Variants in PHACTR1 observed in about 807,000 individuals in gnomAD.
PHACTR1 encodes RPEL repeat containing 1.
In PHACTR1, 16 loss-of-function variants were observed where a neutral mutation model predicts 69.2. That is an observed-to-expected ratio of 0.23 (90% confidence interval 0.16 to 0.35). PHACTR1 has a LOEUF of 0.35. PHACTR1 is among the 10% of genes least tolerant of loss of function. The pLI is 1.00. For missense variants in PHACTR1, 510 were observed against 734.7 expected (o/e 0.69, Z 3.54); for synonymous variants, 312 against 284.5 (o/e 1.10, Z -0.97).
intron 4 of PHACTR1, among the ~76,000 whole-genome samples, chr6:12,956,488 G>T (rs1447857049): frequency 5.3e-5 from 8 of 152,170 alleles, no homozygotes; most frequent in Non-Finnish European, 1.2e-4. Flanking sequence ...CCTAGGACAG[G>T]CGTGGCTTCA....
At chr6:13,016,721 A>G (rs1800231380) in intron 4 of PHACTR1, among the ~76,000 whole-genome samples, 1 of 152,056 alleles carries the variant, frequency 6.6e-6, no homozygotes, top group Admixed American at 6.6e-5. Flanking sequence ...TTAAGAAACC[A>G]TAGAACACAA....
intron 5 of PHACTR1, among the ~76,000 whole-genome samples, chr6:13,067,978 G>A (rs1808915492): frequency 6.6e-6 from 1 of 152,112 alleles, no homozygotes; most frequent in South Asian, 2.1e-4. Flanking sequence ...CAAGTTTTTT[G>A]TGTTTTCTCT....
chr6:13,094,381 G>A (rs920600058), intron 5 of PHACTR1, among the ~76,000 whole-genome samples: 4 of 149,616 alleles, frequency 2.7e-5, no homozygotes, highest in South Asian at 2.2e-4. Flanking sequence ...TGCAACCTCC[G>A]CCTCCTGGGT....
At chr6:12,750,522 AG>A (rs1026252515) in intron 4 of PHACTR1, among the ~76,000 whole-genome samples, 7 of 138,792 alleles carry the variant, frequency 5.0e-5, no homozygotes, top group African/African-American at 1.8e-4. Flanking sequence ...GAGGGAAGGA[AG>A]GAAGGAAAGA....
chr6:13,064,610 A>ATATATATC lies in PHACTR1; in HGVS notation c.415+11084_415+11085insATATCTAT, dbSNP rs1808313715. Among the ~76,000 whole-genome samples, 2 of 9,270 alleles carry ATATATATC rather than the reference A, an allele frequency of 2.2e-4. 1 individual carries two copies. Among genetic ancestry groups the ATATATATC allele is most frequent in the Non-Finnish European group, 3.7e-4 (2 of 5,372 alleles). The allele number at this position is 9,270 out of a possible 152,430, so 6.1% of individuals were successfully genotyped here. On this transcript the variant is annotated intron_variant, in intron 5 of 14. Transcript: ENST00000332995. ...TATATATATATATATATATATCTAT[A>ATATATATC]TATCTATCTATCCACACTTGCCAGA...
chr6:12,955,721 C>T (rs1266181732), intron 4 of PHACTR1, among the ~76,000 whole-genome samples: 3 of 152,134 alleles, frequency 2.0e-5, no homozygotes, highest in African/African-American at 4.8e-5. Context: ...ATTTACTACA[C>T]CTGGAGGGAG....
At chr6:12,947,761 A>G (rs926280977) in intron 4 of PHACTR1, among the ~76,000 whole-genome samples, 1 of 152,164 alleles carries the variant, frequency 6.6e-6, no homozygotes, top group Non-Finnish European at 1.5e-5. Context: ...GGTCTAAACA[A>G]TTTAAATACG....
At chr6:12,749,562 T>TC in intron 3 of PHACTR1, 82 bp from the exon 4 acceptor site, 1 of 170,936 alleles carries the variant, frequency 5.9e-6, no homozygotes, top group Non-Finnish European at 1.1e-5. Flanking sequence ...CCCCTCCCCC[T>TC]CCCCCGTGCG....
At chr6:12,980,735 A>G (rs932454338) in intron 4 of PHACTR1, among the ~76,000 whole-genome samples, 3 of 152,230 alleles carry the variant, frequency 2.0e-5, no homozygotes, top group Non-Finnish European at 4.4e-5. Flanking sequence ...ACTTCATTCT[A>G]GAGACACTGG....
intron 4 of PHACTR1, among the ~76,000 whole-genome samples, chr6:12,960,228 C>T (rs763107189): frequency 3.9e-5 from 6 of 152,162 alleles, no homozygotes; most frequent in African/African-American, 7.2e-5. Context: ...TATAGAACAT[C>T]GCGTAGTGCT....
intron 10 of PHACTR1, 198 bp from the exon 11 acceptor site, chr6:13,272,661 AC>A: frequency 6.8e-7 from 1 of 1,471,144 alleles, no homozygotes. Context: ...AGCGGCTGTG[AC>A]ATGACGCACG....
chr6:12,996,846 C>T (rs551837526), intron 4 of PHACTR1, among the ~76,000 whole-genome samples: 13 of 152,290 alleles, frequency 8.5e-5, no homozygotes, highest in Admixed American at 4.6e-4. Flanking sequence ...CCCAAGCCAG[C>T]AAACTATTTG....
chr6:12,889,866 T>C (rs1485085147), intron 4 of PHACTR1, among the ~76,000 whole-genome samples: 1 of 149,816 alleles, frequency 6.7e-6, no homozygotes, highest in Non-Finnish European at 1.5e-5. Flanking sequence ...ATCTGGGGGC[T>C]TGTAAACATG....
intron 4 of PHACTR1, among the ~76,000 whole-genome samples, chr6:12,973,103 G>T (rs1374213417): frequency 1.3e-5 from 2 of 152,066 alleles, no homozygotes; most frequent in Non-Finnish European, 2.9e-5. Flanking sequence ...TTTAATTACA[G>T]CTGCAAAGTC....
At chr6:12,760,571 A>G (rs1277165791) in intron 4 of PHACTR1, among the ~76,000 whole-genome samples, 1 of 152,146 alleles carries the variant, frequency 6.6e-6, no homozygotes, top group Non-Finnish European at 1.5e-5. Context: ...GCAAAGAAAA[A>G]GGGGAGGAGA....
At chr6:12,919,595 T>G (rs1342149022) in intron 4 of PHACTR1, among the ~76,000 whole-genome samples, 4 of 152,232 alleles carry the variant, frequency 2.6e-5, no homozygotes, top group Non-Finnish European at 5.9e-5. Flanking sequence ...AACTTAGAAT[T>G]AACTTTCTCA....
At chr6:13,134,368 A>T (rs888346583) in intron 5 of PHACTR1, among the ~76,000 whole-genome samples, 2 of 152,202 alleles carry the variant, frequency 1.3e-5, no homozygotes, top group African/African-American at 4.8e-5. Flanking sequence ...AAGTGTGGGG[A>T]AAGGAAAGAG....
chr6:12,931,284 A>G (rs1347153048), intron 4 of PHACTR1, among the ~76,000 whole-genome samples: 1 of 152,186 alleles, frequency 6.6e-6, no homozygotes, highest in Non-Finnish European at 1.5e-5. Context: ...CTCCTTCAAG[A>G]AGATAACCCA....
chr6:13,230,637 C>T (rs1770735935), intron 10 of PHACTR1, among the ~76,000 whole-genome samples: 1 of 151,568 alleles, frequency 6.6e-6, no homozygotes, highest in Non-Finnish European at 1.5e-5. Context: ...CTTTATTTAT[C>T]CAAATCTTGG....
Sources: gnomAD v4.1 joint callset for allele counts (sites outside exome capture counted in the v4.1 genomes callset) on GRCh38, gnomAD v4.1.1 for gene constraint, MANE v1.5 for transcripts, NCBI Gene and HGNC (gene_info 2026-07-23, HGNC 2026-07-21) for gene names.